The following KCNH1 variants were observed in gnomAD, a reference collection of about 807,000 sequenced individuals.
KCNH1 encodes voltage-gated delayed rectifier potassium channel KCNH1.
A neutral mutation model predicts 69.2 loss-of-function variants in KCNH1; 27 were observed. The ratio of observed to expected loss-of-function variants is 0.39; its 90% CI spans 0.29 to 0.54. KCNH1 has a LOEUF of 0.54. Among genes scored for constraint, KCNH1 ranks in the 20% least tolerant of loss-of-function variants. The pLI is 0.68. For synonymous variants in KCNH1, 456 were observed against 487.7 expected (o/e 0.93, Z 0.86); for missense variants, 798 against 1,261.6 (o/e 0.63, Z 5.57).
intron 6 of KCNH1, among the ~76,000 whole-genome samples, chr1:210,986,490 A>G (rs565016450): frequency 3.4e-4 from 51 of 152,176 alleles, no homozygotes; most frequent in South Asian, 2.3e-3. Flanking sequence ...TGGTGACAAA[A>G]TCTCTCAGCA....
At chr1:211,109,638 G>C (rs1407291305) in intron 1 of KCNH1, among the ~76,000 whole-genome samples, 1 of 152,050 alleles carries the variant, frequency 6.6e-6, no homozygotes, top group Non-Finnish European at 1.5e-5. Context: ...AGAATAGCCA[G>C]TTATAGATAA....
At chr1:211,054,103 C>T (rs923320497) in intron 5 of KCNH1, among the ~76,000 whole-genome samples, 1 of 150,306 alleles carries the variant, frequency 6.7e-6, no homozygotes, top group Non-Finnish European at 1.5e-5. Flanking sequence ...AACCCCACCT[C>T]TACTAAAAAT....
At chr1:210,684,854 G>A (rs1681373689) in intron 10 of KCNH1, among the ~76,000 whole-genome samples, 1 of 152,176 alleles carries the variant, frequency 6.6e-6, no homozygotes, top group Non-Finnish European at 1.5e-5. Context: ...GCACTTTAAT[G>A]CTACTTCATG....
intron 6 of KCNH1, among the ~76,000 whole-genome samples, chr1:211,008,353 A>G (rs1188795580): frequency 2.6e-5 from 4 of 152,234 alleles, no homozygotes; most frequent in African/African-American, 7.2e-5. Context: ...CAAAAGAAGA[A>G]CTGCCCAGCT....
At chr1:210,781,257 T>C (rs1171330244) in intron 9 of KCNH1, among the ~76,000 whole-genome samples, 4 of 152,124 alleles carry the variant, frequency 2.6e-5, no homozygotes, top group African/African-American at 7.2e-5. Flanking sequence ...GCTTGTTGAG[T>C]GAGTAGCTGT....
At chr1:210,984,768 G>A (rs1316028847) in intron 6 of KCNH1, among the ~76,000 whole-genome samples, 1 of 152,164 alleles carries the variant, frequency 6.6e-6, no homozygotes, top group Non-Finnish European at 1.5e-5. Context: ...GTCTCTGCCA[G>A]GCTTTGGTAT....
intron 5 of KCNH1, among the ~76,000 whole-genome samples, chr1:211,041,962 C>T (rs917224772): frequency 2.0e-5 from 3 of 152,070 alleles, no homozygotes; most frequent in African/African-American, 7.2e-5. Flanking sequence ...ATCATGTTGG[C>T]CAGGCTGGTC....
At chr1:211,080,441 C>T (rs1178108188) in intron 5 of KCNH1, among the ~76,000 whole-genome samples, 1 of 152,202 alleles carries the variant, frequency 6.6e-6, no homozygotes, top group Non-Finnish European at 1.5e-5. Context: ...CTACCAATGA[C>T]TTTCTTCACA....
chr1:211,058,689 C>T (rs1690362316), intron 5 of KCNH1, among the ~76,000 whole-genome samples: 1 of 151,626 alleles, frequency 6.6e-6, no homozygotes, highest in South Asian at 2.1e-4. Flanking sequence ...GAAGGAAGAC[C>T]ACAAAACAAC....
At chr1:210,720,279 G>A (rs909593980) in intron 10 of KCNH1, among the ~76,000 whole-genome samples, 3 of 152,086 alleles carry the variant, frequency 2.0e-5, no homozygotes, top group African/African-American at 7.2e-5. Flanking sequence ...ATGGGAACGG[G>A]AATTGAGGAC....
chr1:210,862,545 G>A (rs1278485034), intron 7 of KCNH1, among the ~76,000 whole-genome samples: 1 of 152,100 alleles, frequency 6.6e-6, no homozygotes, highest in Non-Finnish European at 1.5e-5. Flanking sequence ...TGTTGCCCAG[G>A]CTGGTCTTGA....
At chr1:211,105,900 T>C (rs1269720684) in intron 2 of KCNH1, among the ~76,000 whole-genome samples, 1 of 152,220 alleles carries the variant, frequency 6.6e-6, no homozygotes, top group Non-Finnish European at 1.5e-5. Flanking sequence ...GGAAGAATCT[T>C]CAATTTTCTA....
chr1:211,131,882 C>G (rs1003987935), intron 1 of KCNH1, among the ~76,000 whole-genome samples: 1 of 152,122 alleles, frequency 6.6e-6, no homozygotes, highest in African/African-American at 2.4e-5. Flanking sequence ...CCTGCTGAAA[C>G]TGGTGTTGAA....
At chr1:211,115,077 C>A (rs1691544688) in intron 1 of KCNH1, among the ~76,000 whole-genome samples, 1 of 152,122 alleles carries the variant, frequency 6.6e-6, no homozygotes, top group African/African-American at 2.4e-5. Flanking sequence ...CAACCTCCGC[C>A]TCCCGGATTC....
chr1:211,077,791 C>T (rs1426523784), intron 5 of KCNH1, among the ~76,000 whole-genome samples: 1 of 151,946 alleles, frequency 6.6e-6, no homozygotes, highest in Non-Finnish European at 1.5e-5. Context: ...GCAAAATGCC[C>T]CAATTAAAAG....
At chr1:210,952,919 T>C (rs1688090487) in intron 6 of KCNH1, among the ~76,000 whole-genome samples, 1 of 152,308 alleles carries the variant, frequency 6.6e-6, no homozygotes, top group African/African-American at 2.4e-5. Context: ...AGTAATATTT[T>C]TATGGAGGTT....
intron 6 of KCNH1, among the ~76,000 whole-genome samples, chr1:210,955,142 C>G (rs985157164): frequency 1.3e-5 from 2 of 152,152 alleles, no homozygotes; most frequent in African/African-American, 4.8e-5. Flanking sequence ...TTCCCAGCAC[C>G]ATTTATTAAA....
chr1:210,948,043 A>G (rs922159635), intron 6 of KCNH1, among the ~76,000 whole-genome samples: 2 of 106,994 alleles, frequency 1.9e-5, no homozygotes, highest in East Asian at 4.3e-4. Context: ...CCCCATCCCT[A>G]TTAAAAAAAA....
intron 7 of KCNH1, chr1:210,861,458 C>G: frequency 3.9e-6 from 3 of 775,940 alleles, no homozygotes; most frequent in Non-Finnish European, 7.2e-6. Context: ...GCTTCCATAT[C>G]TTTCAAAAAG....
Sources: gnomAD v4.1 joint callset for allele counts (sites outside exome capture counted in the v4.1 genomes callset) on GRCh38, gnomAD v4.1.1 for gene constraint, MANE v1.5 for transcripts, NCBI Gene and HGNC (gene_info 2026-07-23, HGNC 2026-07-21) for gene names.